PRKAR1A: variants seen among roughly 807,000 people sequenced by gnomAD.
The protein encoded by PRKAR1A is protein kinase cAMP-dependent type I regulatory subunit alpha, also known as cAMP-dependent protein kinase type I-alpha regulatory subunit.
Under a neutral mutation model 52.0 loss-of-function variants are expected in PRKAR1A, and 3 were observed. That is an observed-to-expected ratio of 0.06 (90% confidence interval 0.03 to 0.15). The LOEUF (loss-of-function observed/expected upper bound fraction) is 0.15. PRKAR1A is among the 10% of genes least tolerant of loss of function. The pLI is 1.00. For missense variants in PRKAR1A, 240 were observed against 477.4 expected, an observed-to-expected ratio of 0.50 and a Z score of 4.63; for synonymous variants, 188 against 168.4, an observed-to-expected ratio of 1.12 and a Z score of -0.90.
the PRKAR1A span, among the ~76,000 whole-genome samples, chr17:68,487,673 C>T: frequency 6.6e-6 from 1 of 151,846 alleles, no homozygotes; most frequent in African/African-American, 2.4e-5. Context: ...TGGTGGTGGG[C>T]ACCTGTAATC....
intron 2 of PRKAR1A, among the ~76,000 whole-genome samples, chr17:68,519,340 A>G (rs926046666): frequency 6.6e-6 from 1 of 152,230 alleles, no homozygotes; most frequent in Non-Finnish European, 1.5e-5. Context: ...AGCTACAATC[A>G]TGGCAGAAGG....
chr17:68,547,933 G>A (rs192633437), intron 11 of PRKAR1A, among the ~76,000 whole-genome samples: 3 of 152,200 alleles, frequency 2.0e-5, no homozygotes, highest in Non-Finnish European at 2.9e-5. Context: ...ATAATTTCTC[G>A]CTTCCCATTT....
rs1335818306 is a variant in PRKAR1A at position 68,527,912 on chromosome 17, AGT to A, written c.769+17_769+18del. 6.2e-7 allele frequency: 1 copy of A among 1,604,038 alleles called. No homozygotes were observed. Among genetic ancestry groups the A allele is most frequent in the Non-Finnish European group, 8.5e-7 (1 of 1,171,126 alleles). On this transcript the variant is annotated intron_variant, in intron 8 of 10. Transcript: ENST00000589228. Reference sequence around the variant, plus strand: ...AGTCTCTATTTTAGGTGAGTTGTAAAGTGTGTTAACTTTGCTAGTATGTGAGA... The same window carrying A: ...AGTCTCTATTTTAGGTGAGTTGTAAAGTGTTAACTTTGCTAGTATGTGAGA...
chr17:68,537,013 C>CT (rs1568714381), downstream of PRKAR1A: 1 of 455,220 alleles, frequency 2.2e-6, no homozygotes, highest in African/African-American at 2.0e-5. This position sits in a 1 kb window ranked among gnomAD's most constrained non-coding sequence, Gnocchi z 4.2. Flanking sequence ...GTTGCCTGCG[C>CT]TGGCCCAAAG....
At position 68,551,006 on chromosome 17, in the gene PRKAR1A, C is replaced by T. The variant is rs140661991; in HGVS notation, c.974-78C>T. 4.5e-4 allele frequency: 518 copies of T among 1,138,670 alleles called. 3 individuals are homozygous for T. In the African/African-American group the frequency reaches 7.7e-3, roughly 17 times the overall value. The allele number at this position is 1,138,670 out of a possible 1,614,324, so 70.5% of individuals were successfully genotyped here. On this transcript the variant is annotated intron_variant, in intron 11 of 11. Coordinates refer to the PRKAR1A transcript ENST00000585981. The stretch of plus-strand genomic sequence containing the variant: ...GGAATCTGCCAGTCTAATTGTATTC[C>T]ACTGGAAGAAGCACATTCTGGAGGA...
chr17:68,550,163 C>T (rs1005043357), intron 11 of PRKAR1A, among the ~76,000 whole-genome samples: 2 of 152,068 alleles, frequency 1.3e-5, no homozygotes, highest in African/African-American at 4.8e-5. Context: ...TGATGACAAC[C>T]AATTCCCCAA....
chr17:68,518,705 T>C (rs2085508415), intron 2 of PRKAR1A, among the ~76,000 whole-genome samples: 1 of 152,214 alleles, frequency 6.6e-6, no homozygotes, highest in Admixed American at 6.5e-5. Context: ...TTCCCCATTG[T>C]CTTGGTGATT....
At chr17:68,542,155 C>G in intron 11 of PRKAR1A, 1 of 1,613,916 alleles carries the variant, frequency 6.2e-7, no homozygotes, top group East Asian at 2.2e-5. Flanking sequence ...CGAAGAAGCA[C>G]ACGTTGCTCG....
upstream of PRKAR1A, chr17:68,511,808 C>G (rs1423225212): frequency 2.0e-5 from 3 of 152,062 alleles, no homozygotes; most frequent in Non-Finnish European, 2.9e-5. Flanking sequence ...CGCCCGCGCT[C>G]GGCCCCGCAG....
the PRKAR1A span, among the ~76,000 whole-genome samples, chr17:68,431,657 G>A: frequency 2.0e-5 from 3 of 152,282 alleles, no homozygotes; most frequent in Admixed American, 1.3e-4. Context: ...TAAGAGTAAC[G>A]GCTGGACCAG....
At chr17:68,519,356 C>G (rs1055973928) in intron 2 of PRKAR1A, among the ~76,000 whole-genome samples, 3 of 152,160 alleles carry the variant, frequency 2.0e-5, no homozygotes, top group Non-Finnish European at 4.4e-5. Context: ...GAAGGGGAAG[C>G]AAACACATTC....
chr17:68,510,457 G>T (rs779714260), upstream of PRKAR1A, among the ~76,000 whole-genome samples: 1 of 152,156 alleles, frequency 6.6e-6, no homozygotes, highest in African/African-American at 2.4e-5. Flanking sequence ...ACAAAGTCCT[G>T]TTCATCCTTT....
chr17:68,472,096 G>A, the PRKAR1A span, among the ~76,000 whole-genome samples: 1 of 152,132 alleles, frequency 6.6e-6, no homozygotes, highest in Non-Finnish European at 1.5e-5. Context: ...GAGCCACCGC[G>A]CCCAGCCTGC....
chr17:68,528,348 G>T (rs559638269), intron 8 of PRKAR1A, among the ~76,000 whole-genome samples: 1 of 152,308 alleles, frequency 6.6e-6, no homozygotes, highest in East Asian at 1.9e-4. Context: ...TTATTACAGT[G>T]AATTTTTCAC....
chr17:68,550,756 T>G (rs1474696491), intron 11 of PRKAR1A, among the ~76,000 whole-genome samples: 1 of 152,136 alleles, frequency 6.6e-6, no homozygotes, highest in African/African-American at 2.4e-5. Flanking sequence ...CCAGAGCTAG[T>G]CCACTGGACT....
In PRKAR1A at chr17:68,532,123, A is replaced by C. The variant is rs1002103671; in HGVS notation, c.*1674A>C. ...GTGGGTAAGAAAGCCACCTTGTTACAAATTTTTTAATTTCCAAAATAATCT... is the reference window on the plus strand; with the variant it reads ...GTGGGTAAGAAAGCCACCTTGTTACCAATTTTTTAATTTCCAAAATAATCT... On this transcript the variant is annotated 3_prime_UTR_variant, in exon 11 of 11. Transcript: ENST00000589228. 4.7e-6 allele frequency: 5 copies of C among 1,062,908 alleles called. No individual in the cohort carries two copies. The African/African-American group carries it at 8.2e-5, about 17-fold the overall frequency. 65.8% of individuals were successfully genotyped at this position (1,062,908 alleles called of 1,614,324 possible). A position where few individuals can be genotyped will look rare whatever the true frequency, so the allele number is the denominator to read the frequency against.
At position 68,527,916 on chromosome 17, in the gene PRKAR1A, T is replaced by C; in HGVS notation, c.769+16T>C. The C allele has an allele frequency of 6.3e-7, 1 of 1,595,158 alleles. No homozygotes were observed. Among genetic ancestry groups the C allele is most frequent in the Non-Finnish European group, 8.6e-7 (1 of 1,163,032 alleles). ...TCTATTTTAGGTGAGTTGTAAAGTGTGTTAACTTTGCTAGTATGTGAGATA... is the reference window on the plus strand; with the variant it reads ...TCTATTTTAGGTGAGTTGTAAAGTGCGTTAACTTTGCTAGTATGTGAGATA... On this transcript the variant is annotated intron_variant, in intron 8 of 10. Transcript: ENST00000589228.
At chr17:68,501,638 G>C in the PRKAR1A span, among the ~76,000 whole-genome samples, 1 of 152,058 alleles carries the variant, frequency 6.6e-6, no homozygotes, top group Non-Finnish European at 1.5e-5. Context: ...AAATTTTTTT[G>C]TAGAGAGGGA....
intron 11 of PRKAR1A, chr17:68,541,309 C>G (rs1252099209): frequency 1.5e-5 from 5 of 330,798 alleles, no homozygotes; most frequent in Non-Finnish European, 2.9e-5. Flanking sequence ...CCCTGCGCCA[C>G]TCATAGCACC....
Sources: allele counts gnomAD v4.1 joint callset (sites outside exome capture counted in the v4.1 genomes callset), GRCh38; gene constraint gnomAD v4.1.1; non-coding constraint Gnocchi (gnomAD v3.1); transcripts MANE v1.5; gene names NCBI Gene and HGNC (gene_info 2026-07-23, HGNC 2026-07-21).